Variants in CDK14 observed in about 807,000 individuals in gnomAD.
CDK14 encodes cyclin-dependent kinase 14.
A neutral mutation model predicts 60.7 loss-of-function variants in CDK14; 34 were observed. That is an observed-to-expected ratio of 0.56 (90% confidence interval 0.43 to 0.75). CDK14 has a LOEUF of 0.75. Among genes scored for constraint, CDK14 ranks in the 30% least tolerant of loss-of-function variants. CDK14 has a pLI of 0.00. For missense variants in CDK14, 482 were observed against 564.1 expected, an observed-to-expected ratio of 0.85 and a Z score of 1.47; for synonymous variants, 197 against 203.7, an observed-to-expected ratio of 0.97 and a Z score of 0.28.
chr7:90,608,082 C>T (rs1462235054), intron 2 of CDK14, among the ~76,000 whole-genome samples: 2 of 152,248 alleles, frequency 1.3e-5, no homozygotes. Flanking sequence ...TTTCTAGTGA[C>T]ATTGTGATGA....
At chr7:90,702,961 T>G (rs1801819631) in intron 2 of CDK14, among the ~76,000 whole-genome samples, 1 of 151,934 alleles carries the variant, frequency 6.6e-6, no homozygotes, top group African/African-American at 2.4e-5. Flanking sequence ...CTAAAAGCAA[T>G]AAAACTCACT....
At chr7:90,637,742 G>A (rs1800189525) in intron 2 of CDK14, among the ~76,000 whole-genome samples, 1 of 122,472 alleles carries the variant, frequency 8.2e-6, no homozygotes, top group South Asian at 2.9e-4. Context: ...GGGTGTTAAA[G>A]TCTCCCATTA....
chr7:90,822,534 C>G lies in CDK14; in HGVS notation c.544+31882C>G, dbSNP rs547691197. 2.1e-3 allele frequency among the ~76,000 whole-genome samples: 326 copies of G among 152,200 alleles called. 1 individual carries two copies. The highest frequency in any genetic ancestry group is 7.7e-3 in the African/African-American group (321 of 41,522). ...TTGGAGTTCACTTCTTGTCCTGATG[C>G]CCAGTGCTGTGCTCCCCTCCACTCC... On this transcript the variant is annotated intron_variant, in intron 5 of 14. Transcript: ENST00000380050.
chr7:91,136,274 A>C (rs1252130053), intron 14 of CDK14, among the ~76,000 whole-genome samples: 1 of 151,442 alleles, frequency 6.6e-6, no homozygotes, highest in South Asian at 2.1e-4. Context: ...ACCATGGTCT[A>C]CTCTCCACCG....
chr7:90,669,482 T>C (rs1323171434), intron 2 of CDK14, among the ~76,000 whole-genome samples: 2 of 152,164 alleles, frequency 1.3e-5, no homozygotes, highest in African/African-American at 4.8e-5. Context: ...AAAAGGGTCA[T>C]GAGAGAGATA....
intron 8 of CDK14, among the ~76,000 whole-genome samples, chr7:90,932,703 T>C (rs1793630799): frequency 6.6e-6 from 1 of 152,236 alleles, no homozygotes; most frequent in Non-Finnish European, 1.5e-5. Context: ...TCTCAGTTTC[T>C]GTGTGGTAAG....
At chr7:91,151,739 C>T (rs563017365) in intron 14 of CDK14, among the ~76,000 whole-genome samples, 2 of 152,242 alleles carry the variant, frequency 1.3e-5, no homozygotes, top group East Asian at 1.9e-4. Flanking sequence ...GCATCTTCTG[C>T]CTTTGATCCA....
intron 10 of CDK14, among the ~76,000 whole-genome samples, chr7:91,045,218 T>C (rs1025562406): frequency 1.3e-5 from 2 of 152,174 alleles, no homozygotes; most frequent in African/African-American, 4.8e-5. Context: ...AATGTTCCAA[T>C]GGAATGTGCC....
chr7:91,076,081 C>G (rs888237639), intron 11 of CDK14, among the ~76,000 whole-genome samples: 22 of 151,244 alleles, frequency 1.5e-4, no homozygotes, highest in Admixed American at 6.6e-5. Context: ...CCCCATCAAG[C>G]TATCATTGAC....
intron 2 of CDK14, among the ~76,000 whole-genome samples, chr7:90,708,221 C>A (rs1192948279): frequency 6.6e-6 from 1 of 152,002 alleles, no homozygotes. Context: ...TTATCAAGGG[C>A]CTTAAAATGG....
chr7:91,191,434 T>C (rs1167104227), intron 14 of CDK14, among the ~76,000 whole-genome samples: 1 of 152,104 alleles, frequency 6.6e-6, no homozygotes, highest in African/African-American at 2.4e-5. Context: ...AGTGTTTTTG[T>C]TAAACTTCCT....
intron 11 of CDK14, among the ~76,000 whole-genome samples, chr7:91,078,970 T>C (rs1403462418): frequency 6.6e-6 from 1 of 152,190 alleles, no homozygotes; most frequent in African/African-American, 2.4e-5. Flanking sequence ...AGGACCCTGG[T>C]AGTTTGGCTT....
At chr7:90,649,317 C>T (rs373067871) in intron 2 of CDK14, among the ~76,000 whole-genome samples, 2,092 of 36,742 alleles carry the variant, frequency 0.057, 95 homozygotes, top group African/African-American at 0.13. Context: ...TCTTTCCTTC[C>T]TTCCTTCCTT....
intron 2 of CDK14, among the ~76,000 whole-genome samples, chr7:90,626,172 A>G (rs1000208771): frequency 2.0e-5 from 3 of 152,200 alleles, no homozygotes; most frequent in African/African-American, 7.2e-5. Context: ...TGAATGCCTT[A>G]GACCAGGAAA....
chr7:90,916,802 G>C (rs923259014), intron 7 of CDK14, among the ~76,000 whole-genome samples: 3 of 152,146 alleles, frequency 2.0e-5, no homozygotes, highest in African/African-American at 7.2e-5. Flanking sequence ...GAAGCCTAGT[G>C]AATCACACTT....
At chr7:90,640,707 CAG>C (rs1800305514) in intron 2 of CDK14, among the ~76,000 whole-genome samples, 2 of 151,918 alleles carry the variant, frequency 1.3e-5, no homozygotes. Flanking sequence ...GTGAGATCAT[CAG>C]AGTGTTCTAA....
chr7:90,809,332 C>G (rs187673204), intron 5 of CDK14, among the ~76,000 whole-genome samples: 1 of 152,234 alleles, frequency 6.6e-6, no homozygotes, highest in Admixed American at 6.5e-5. Context: ...CAAAACCGCT[C>G]AACTACATGG....
chr7:90,673,768 C>T (rs1801145395), intron 2 of CDK14, among the ~76,000 whole-genome samples: 1 of 152,166 alleles, frequency 6.6e-6, no homozygotes, highest in African/African-American at 2.4e-5. Flanking sequence ...ATTTGTTGTG[C>T]AACATATCCT....
At chr7:90,645,676 A>C (rs1404189565) in intron 2 of CDK14, among the ~76,000 whole-genome samples, 1 of 152,184 alleles carries the variant, frequency 6.6e-6, no homozygotes, top group Admixed American at 6.6e-5. Context: ...ATAACACTTA[A>C]AATGAATGTT....
Sources: allele counts gnomAD v4.1 joint callset (sites outside exome capture counted in the v4.1 genomes callset), GRCh38; gene constraint gnomAD v4.1.1; transcripts MANE v1.5; gene names NCBI Gene and HGNC (gene_info 2026-07-23, HGNC 2026-07-21).